TMEM63A: variants seen among roughly 807,000 people sequenced by gnomAD.
The protein encoded by TMEM63A is transmembrane protein 63A.
Under a neutral mutation model 100.6 loss-of-function variants are expected in TMEM63A, and 76 were observed. The observed-to-expected ratio is 0.76, with a 90% CI of 0.63 to 0.91. The LOEUF is 0.91. Among genes scored for constraint, TMEM63A ranks in the 40% least tolerant of loss-of-function variants. The pLI is 0.00. For missense variants in TMEM63A, 876 were observed against 1,008.8 expected (o/e 0.87, Z 1.78); for synonymous variants, 401 against 401.1 (o/e 1.00, Z 0.00).
intron 1 of TMEM63A, among the ~76,000 whole-genome samples, chr1:225,880,993 C>G (rs185823014): frequency 6.6e-6 from 1 of 152,200 alleles, no homozygotes. Context: ...ATGACAATAG[C>G]GAAACTACAA....
intron 10 of TMEM63A, chr1:225,864,160 C>T (rs556592585): frequency 6.6e-6 from 1 of 152,254 alleles, no homozygotes; most frequent in East Asian, 1.9e-4. Flanking sequence ...TCATGGCCAC[C>T]ATGCAATACC....
intron 6 of TMEM63A, 53 bp downstream of exon 6, chr1:225,871,023 C>G: frequency 6.2e-7 from 1 of 1,603,284 alleles, no homozygotes; most frequent in South Asian, 1.1e-5. Context: ...TGGCCAAACA[C>G]CCAAAAAAAC....
intron 1 of TMEM63A, among the ~76,000 whole-genome samples, chr1:225,880,905 T>C (rs1253699179): frequency 2.0e-5 from 3 of 152,234 alleles, no homozygotes; most frequent in Non-Finnish European, 4.4e-5. Context: ...AGGAAGTATA[T>C]GGATATTGTT....
intron 20 of TMEM63A, 65 bp from the exon 21 acceptor site, chr1:225,850,144 CT>C (rs1374035879): frequency 1.3e-6 from 2 of 1,564,456 alleles, no homozygotes; most frequent in African/African-American, 2.7e-5. Context: ...TGTCCTCTTC[CT>C]CTCCGGGGCG....
Position 225,848,880 on chromosome 1 carries a change from G to A in TMEM63A, c.2187+17C>T, listed in dbSNP as rs753586197. Reference sequence around the variant, plus strand: ...CCTCCCAGGGCTTGACCGGGCAGTGGGGTCGGGGGCCTTTACTTTGTAGTT... The same window carrying A: ...CCTCCCAGGGCTTGACCGGGCAGTGAGGTCGGGGGCCTTTACTTTGTAGTT... On this transcript the variant is annotated intron_variant, in intron 22 of 24. Transcript: ENST00000366835. 3 of 1,559,634 alleles carry A rather than the reference G, an allele frequency of 1.9e-6. No individual in the cohort carries two copies. The highest frequency in any genetic ancestry group is 2.6e-6 in the Non-Finnish European group (3 of 1,148,746).
chr1:225,850,400 G>C (rs1308584297), intron 20 of TMEM63A, among the ~76,000 whole-genome samples: 2 of 152,172 alleles, frequency 1.3e-5, no homozygotes, highest in African/African-American at 4.8e-5. Flanking sequence ...TTCAGTAAAG[G>C]GTTTGGCTGA....
chr1:225,844,533 T>C (rs1668756576), downstream of TMEM63A: 4 of 1,614,146 alleles, frequency 2.5e-6, no homozygotes, highest in Non-Finnish European at 2.5e-6. Flanking sequence ...ACCAACGTCA[T>C]GCTCTACTGG....
chr1:225,850,152 G>T, intron 20 of TMEM63A, 73 bp from the exon 21 acceptor site: 1 of 1,559,446 alleles, frequency 6.4e-7, no homozygotes, highest in Non-Finnish European at 8.7e-7. Flanking sequence ...TCCTCTCCGG[G>T]GCGGCTATTT....
chr1:225,860,312 A>ACAGCT (rs1446538318), intron 14 of TMEM63A: 3 of 152,654 alleles, frequency 2.0e-5, no homozygotes, highest in African/African-American at 7.2e-5. Flanking sequence ...CCCCATGGAC[A>ACAGCT]CAGCTCAGCT....
At chr1:225,848,112 T>C (rs912496177) in intron 23 of TMEM63A, 2 of 206,062 alleles carry the variant, frequency 9.7e-6, no homozygotes, top group African/African-American at 2.3e-5. Flanking sequence ...TCTTGGAGCC[T>C]AGTGGAGGAC....
chr1:225,877,337 G>C, intron 3 of TMEM63A, 58 bp downstream of exon 3: 10 of 1,548,024 alleles, frequency 6.5e-6, no homozygotes, highest in Non-Finnish European at 7.9e-6. Flanking sequence ...GAAGGCCCTG[G>C]GTGGGGCATT....
At chr1:225,857,207 G>A (rs1476226123) in intron 15 of TMEM63A, among the ~76,000 whole-genome samples, 190 bp from the exon 16 acceptor site, 2 of 152,206 alleles carry the variant, frequency 1.3e-5, no homozygotes, top group East Asian at 3.8e-4. Flanking sequence ...ATCAGTAACA[G>A]CACCTTATAT....
At chr1:225,866,782 G>A (rs1342688821) in intron 8 of TMEM63A, 100 bp from the exon 9 acceptor site, 3 of 1,037,266 alleles carry the variant, frequency 2.9e-6, no homozygotes, top group African/African-American at 1.6e-5. Flanking sequence ...CTGAACTGAG[G>A]ACCAACAGCT....
rs1369276847 is a variant in TMEM63A, at chr1:225,845,598, C to CCCCA, written c.*1337_*1340dup. 2.8e-5 allele frequency: 16 copies of CCCCA among 565,196 alleles called. No individual in the cohort carries two copies. In the Admixed American group the frequency reaches 4.6e-4, roughly 16 times the overall value. 35.0% of individuals were successfully genotyped at this position (565,196 alleles called of 1,614,324 possible). On this transcript the variant is annotated 3_prime_UTR_variant, in exon 25 of 25. Coordinates refer to ENST00000366835, the MANE Select transcript of TMEM63A (RefSeq NM_014698.3). ...ACTCAGTGACATGAGCGTGCGCTGA[C>CCCCA]CCCACATGGGGCCCCCTGTGCAAGC...
At chr1:225,871,824 C>A (rs1670520686) in intron 5 of TMEM63A, 163 bp downstream of exon 5, 12 of 596,346 alleles carry the variant, frequency 2.0e-5, no homozygotes, top group Non-Finnish European at 2.7e-5. Flanking sequence ...CATCCAGCTG[C>A]CATCCCTCCT....
At position 225,865,373 on chromosome 1, in the gene TMEM63A, G is replaced by A. The variant is rs1039779781; in HGVS notation, c.746+524C>T. On this transcript the variant is annotated intron_variant, in intron 10 of 24. Transcript: ENST00000366835. This position sits in a 1 kb window ranked among gnomAD's most constrained non-coding sequence, Gnocchi z 4.6. ...GGAATTGGTGGTGCAGATACTCAAAGGGAGCCGCTGGAAAGGAGGTTCTAC... is the reference window on the plus strand; with the variant it reads ...GGAATTGGTGGTGCAGATACTCAAAAGGAGCCGCTGGAAAGGAGGTTCTAC... The A allele has an allele frequency of 4.6e-5, 7 of 152,796 alleles. No individual in the cohort carries two copies. Among genetic ancestry groups the A allele is most frequent in the Admixed American group, 1.3e-4 (2 of 15,410 alleles). The allele number at this position is 152,796 out of a possible 1,614,324, so 9.5% of individuals were successfully genotyped here. A position where few individuals can be genotyped will look rare whatever the true frequency, so the allele number is the denominator to read the frequency against.
chr1:225,857,340 T>C (rs1472010228), intron 15 of TMEM63A, among the ~76,000 whole-genome samples: 4 of 138,890 alleles, frequency 2.9e-5, no homozygotes, highest in South Asian at 2.2e-4. Flanking sequence ...ACTGATGCCA[T>C]GGCAAGACTG....
intron 5 of TMEM63A, 178 bp downstream of exon 5, chr1:225,871,809 C>G: frequency 1.7e-6 from 1 of 586,988 alleles, no homozygotes; most frequent in Non-Finnish European, 3.0e-6. Flanking sequence ...CTCAAGGTCC[C>G]GGGTCATCCA....
In TMEM63A at chr1:225,848,868, G is replaced by C; in HGVS notation, c.2187+29C>G. 7 of 1,531,940 alleles carry C rather than the reference G, an allele frequency of 4.6e-6. No homozygotes were observed. The African/African-American group carries it at 5.4e-5, about 12-fold the overall frequency. The allele number at this position is 1,531,940 out of a possible 1,614,324, so 94.9% of individuals were successfully genotyped here. On this transcript the variant is annotated intron_variant, in intron 22 of 24. Coordinates refer to ENST00000366835, the MANE Select transcript of TMEM63A (RefSeq NM_014698.3). ...CCACCATCTGTTCCTCCCAGGGCTT[G>C]ACCGGGCAGTGGGGTCGGGGGCCTT... is the stretch of plus-strand genomic sequence containing the variant.
Sources: gnomAD v4.1 joint callset for allele counts (sites outside exome capture counted in the v4.1 genomes callset) on GRCh38, gnomAD v4.1.1 for gene constraint, Gnocchi (gnomAD v3.1) non-coding constraint, MANE v1.5 for transcripts, NCBI Gene and HGNC (gene_info 2026-07-23, HGNC 2026-07-21) for gene names.